The following BLTP1 variants were observed in gnomAD, a reference collection of about 807,000 sequenced individuals.
The protein encoded by BLTP1 is bridge-like lipid transfer protein family member 1.
the BLTP1 span, chr4:122,325,802 G>A: frequency 1.1e-6 from 1 of 912,310 alleles, no homozygotes. Flanking sequence ...TTAAGTCATT[G>A]TTATTTTTCA....
At chr4:122,188,503 C>T in the BLTP1 span, among the ~76,000 whole-genome samples, 3 of 151,946 alleles carry the variant, frequency 2.0e-5, no homozygotes, top group African/African-American at 4.8e-5. Context: ...AAAATTGAAT[C>T]GAAATTACTC....
the BLTP1 span, chr4:122,235,537 G>A: frequency 1.1e-6 from 1 of 937,434 alleles, no homozygotes; most frequent in Admixed American, 6.2e-5. Context: ...CGGGCGTGGT[G>A]GCTCACACCT....
chr4:122,167,807 C>G, the BLTP1 span: 818 of 985,410 alleles, frequency 8.3e-4, 8 homozygotes, highest in African/African-American at 0.013. Flanking sequence ...CAGACGCATG[C>G]TTTACTCTGC....
chr4:122,316,459 G>A, the BLTP1 span: 6 of 493,086 alleles, frequency 1.2e-5, no homozygotes, highest in South Asian at 7.7e-5. Flanking sequence ...TTCTGTTCCT[G>A]CAGAGTATCT....
At chr4:122,307,341 C>A in the BLTP1 span, 1 of 361,780 alleles carries the variant, frequency 2.8e-6, no homozygotes, top group Non-Finnish European at 3.8e-6. Flanking sequence ...TATCAACATT[C>A]AGAAAGTTTT....
the BLTP1 span, chr4:122,171,840 G>A: frequency 1.4e-5 from 14 of 983,512 alleles, no homozygotes; most frequent in Non-Finnish European, 1.7e-5. Flanking sequence ...TTGAGCAATT[G>A]TTTAATCCCT....
the BLTP1 span, chr4:122,347,900 A>C: frequency 1.1e-5 from 1 of 87,222 alleles, no homozygotes; most frequent in South Asian, 3.0e-4. Flanking sequence ...ATGACACGTC[A>C]AAAAAAAAAA....
the BLTP1 span, among the ~76,000 whole-genome samples, chr4:122,195,012 G>A: frequency 1.3e-5 from 2 of 152,212 alleles, no homozygotes; most frequent in South Asian, 4.1e-4. Flanking sequence ...TTATGCAGCC[G>A]TTTCCTCTTC....
chr4:122,312,016 TA>T, the BLTP1 span, among the ~76,000 whole-genome samples: 1 of 152,166 alleles, frequency 6.6e-6, no homozygotes, highest in African/African-American at 2.4e-5. Context: ...TGAGTTTATA[TA>T]TTCATCTTTT....
the BLTP1 span, among the ~76,000 whole-genome samples, chr4:122,284,172 A>G: frequency 3.3e-5 from 5 of 152,168 alleles, no homozygotes; most frequent in Admixed American, 3.3e-4. Flanking sequence ...TTAATCTGAT[A>G]CTCAGCAACC....
At chr4:122,282,549 G>C in the BLTP1 span, among the ~76,000 whole-genome samples, 4 of 152,156 alleles carry the variant, frequency 2.6e-5, no homozygotes, top group African/African-American at 9.7e-5. Context: ...AGCTGAGGCA[G>C]GAGAATCGCT....
the BLTP1 span, chr4:122,313,791 A>G: frequency 1.6e-6 from 1 of 637,148 alleles, no homozygotes; most frequent in Non-Finnish European, 2.6e-6. Context: ...CACTAATTTA[A>G]AAAAAAACTA....
the BLTP1 span, among the ~76,000 whole-genome samples, chr4:122,257,705 A>G: frequency 6.6e-6 from 1 of 152,172 alleles, no homozygotes; most frequent in Non-Finnish European, 1.5e-5. Context: ...GATATTACAT[A>G]CTTGTTAATA....
At chr4:122,201,075 G>T in the BLTP1 span, 1 of 1,613,688 alleles carries the variant, frequency 6.2e-7, no homozygotes, top group East Asian at 2.2e-5. Flanking sequence ...TGAATTAGAG[G>T]TTTATAAAGC....
chr4:122,362,305 GTT>G, the BLTP1 span: 1 of 1,276,710 alleles, frequency 7.8e-7, no homozygotes, highest in East Asian at 2.4e-5. Flanking sequence ...ACACTGGAGT[GTT>G]TTTTTAGTAT....
At chr4:122,324,349 G>T in the BLTP1 span, 1 of 1,403,908 alleles carries the variant, frequency 7.1e-7, no homozygotes, top group South Asian at 1.5e-5. Context: ...TTTAATAGTA[G>T]AATATTTTCT....
chr4:122,300,932 A>T, the BLTP1 span: 1 of 982,646 alleles, frequency 1.0e-6, no homozygotes. Flanking sequence ...AAAAAAAAAA[A>T]ATGCTCTCTT....
chr4:122,159,461 CAA>C, the BLTP1 span, among the ~76,000 whole-genome samples: 8 of 123,586 alleles, frequency 6.5e-5, no homozygotes, highest in South Asian at 2.6e-4. Context: ...GACTCTGTCC[CAA>C]AAAAAAAAAA....
At chr4:122,264,264 A>G in the BLTP1 span, 23 of 1,602,640 alleles carry the variant, frequency 1.4e-5, no homozygotes, top group Middle Eastern at 1.7e-4. Context: ...GTTGCACCCA[A>G]TCTTCCAACA....
Sources: gnomAD v4.1 joint callset for allele counts (sites outside exome capture counted in the v4.1 genomes callset) on GRCh38, gnomAD v4.1.1 for gene constraint, MANE v1.5 for transcripts, NCBI Gene and HGNC (gene_info 2026-07-23, HGNC 2026-07-21) for gene names.